The following GCNT2 variants were observed in gnomAD, a reference collection of about 807,000 sequenced individuals.
The protein encoded by GCNT2 is N-acetyllactosaminide beta-1,6-N-acetylglucosaminyl-transferase.
GCNT2 carries 34 observed loss-of-function variants against 34.2 expected under a neutral mutation model. The observed-to-expected ratio is 1.00, with a 90% CI of 0.76 to 1.32. GCNT2 has a LOEUF of 1.32. Among genes scored for constraint, GCNT2 ranks in the 40% most tolerant of loss-of-function variants. GCNT2 has a pLI of 0.00. For missense variants in GCNT2, 584 were observed against 489.4 expected (o/e 1.19, Z -1.82); for synonymous variants, 212 against 188.0 (o/e 1.13, Z -1.04).
intron 3 of GCNT2, among the ~76,000 whole-genome samples, chr6:10,539,378 G>A (rs1327700432): frequency 6.6e-6 from 1 of 151,528 alleles, no homozygotes; most frequent in Admixed American, 6.6e-5. Context: ...TAGTAGAGAC[G>A]GGGTTTCTCC....
At chr6:10,582,550 AAT>A (rs1200638653) in intron 3 of GCNT2, among the ~76,000 whole-genome samples, 2 of 129,848 alleles carry the variant, frequency 1.5e-5, no homozygotes, top group Non-Finnish European at 3.1e-5. Flanking sequence ...TATCATGTAT[AAT>A]ATATATCATA....
intron 3 of GCNT2, among the ~76,000 whole-genome samples, chr6:10,550,710 TG>T (rs1762443585): frequency 6.6e-6 from 1 of 151,968 alleles, no homozygotes; most frequent in Non-Finnish European, 1.5e-5. Context: ...CCCAAACTCC[TG>T]GGCTCAAGTA....
At chr6:10,549,035 G>A (rs922546163) in intron 3 of GCNT2, among the ~76,000 whole-genome samples, 4 of 152,220 alleles carry the variant, frequency 2.6e-5, no homozygotes, top group Admixed American at 6.5e-5. Flanking sequence ...GGGATTGCAG[G>A]AGTGTGCCAC....
At chr6:10,540,476 C>T (rs1035419937) in intron 3 of GCNT2, among the ~76,000 whole-genome samples, 2 of 152,218 alleles carry the variant, frequency 1.3e-5, no homozygotes, top group Admixed American at 6.5e-5. Flanking sequence ...CCACACTTCT[C>T]TTGCAGCACC....
intron 3 of GCNT2, chr6:10,573,414 A>G: frequency 4.4e-6 from 2 of 454,964 alleles, no homozygotes; most frequent in Non-Finnish European, 5.8e-6. Context: ...ACCAGAAGGG[A>G]AAGAAATTTT....
rs184221804 is a variant in GCNT2 at position 10,608,234 on chromosome 6, C to T, written c.926-13117C>T. On this transcript the variant is annotated intron_variant, in intron 3 of 4. Coordinates refer to ENST00000495262, the MANE Select transcript of GCNT2 (RefSeq NM_145649.5). ...CTGGGATTACAGGCATGCGCCACTA[C>T]GCCTGGCTAATTTTGTATTTTTAGT... 2.7e-4 allele frequency among the ~76,000 whole-genome samples: 41 copies of T among 152,134 alleles called. 1 individual carries two copies. Among genetic ancestry groups the T allele is most frequent in the African/African-American group, 8.4e-4 (35 of 41,506 alleles).
At chr6:10,574,991 CTTGT>C in intron 3 of GCNT2, 1 of 705,914 alleles carries the variant, frequency 1.4e-6, no homozygotes. Context: ...TTGCCCTTAA[CTTGT>C]TTGTTTACAA....
At chr6:10,574,332 T>G (rs1352689090) in intron 3 of GCNT2, among the ~76,000 whole-genome samples, 2 of 152,204 alleles carry the variant, frequency 1.3e-5, no homozygotes, top group Admixed American at 6.5e-5. Context: ...ACCAACCTCT[T>G]TAACTCTCAC....
At chr6:10,579,982 G>A (rs1764000985) in intron 3 of GCNT2, among the ~76,000 whole-genome samples, 1 of 152,066 alleles carries the variant, frequency 6.6e-6, no homozygotes, top group African/African-American at 2.4e-5. Flanking sequence ...TGCCAGTTTT[G>A]TTTCCCTGTT....
At chr6:10,596,785 A>C (rs181467979) in intron 3 of GCNT2, among the ~76,000 whole-genome samples, 4 of 151,966 alleles carry the variant, frequency 2.6e-5, no homozygotes, top group Non-Finnish European at 5.9e-5. Context: ...TAGAATTGAC[A>C]CGATGATATT....
intron 3 of GCNT2, among the ~76,000 whole-genome samples, chr6:10,574,593 G>C (rs923529785): frequency 1.3e-5 from 2 of 152,166 alleles, no homozygotes; most frequent in Admixed American, 1.3e-4. Flanking sequence ...ATTTAGGATG[G>C]GGGGAGCATG....
intron 3 of GCNT2, among the ~76,000 whole-genome samples, chr6:10,548,402 C>T (rs776884058): frequency 3.9e-5 from 6 of 152,138 alleles, no homozygotes; most frequent in Non-Finnish European, 7.4e-5. Context: ...GGAACAAAGC[C>T]GTTCACATTC....
Position 10,528,877 on chromosome 6 carries a change from AAG to A in GCNT2, c.-27_-26del, listed in dbSNP as rs544518712. 1.4e-3 allele frequency: 2,136 copies of A among 1,476,404 alleles called. 2 individuals are homozygous for A. Among genetic ancestry groups the A allele is most frequent in the Non-Finnish European group, 1.8e-3 (1,888 of 1,055,330 alleles). The allele number at this position is 1,476,404 out of a possible 1,614,324, so 91.5% of individuals were successfully genotyped here. A position where few individuals can be genotyped will look rare whatever the true frequency, so the allele number is the denominator to read the frequency against. Reference sequence around the variant, plus strand: ...TATATCTACACTCTGATCCTATCTCAAGAGAGAGATATTTTACTCATTTCCTG... The same window carrying A: ...TATATCTACACTCTGATCCTATCTCAAGAGAGATATTTTACTCATTTCCTG... On this transcript the variant is annotated 5_prime_UTR_variant, in exon 3 of 5. Transcript: ENST00000495262.
intron 4 of GCNT2, among the ~76,000 whole-genome samples, chr6:10,622,550 C>T (rs1766079055): frequency 2.0e-5 from 3 of 151,914 alleles, no homozygotes; most frequent in Non-Finnish European, 2.9e-5. Context: ...ACCCTGTCTC[C>T]ACTCTGAGAC....
chr6:10,587,057 A>G (rs565121601), intron 3 of GCNT2: 3 of 683,966 alleles, frequency 4.4e-6, no homozygotes, highest in South Asian at 1.7e-5. Context: ...GCAACAGTGT[A>G]TTGCTGACTG....
At chr6:10,539,711 A>T (rs950994599) in intron 3 of GCNT2, among the ~76,000 whole-genome samples, 2 of 152,188 alleles carry the variant, frequency 1.3e-5, no homozygotes, top group African/African-American at 2.4e-5. Flanking sequence ...GATTCTAAAA[A>T]TTCTATGTGC....
intron 3 of GCNT2, among the ~76,000 whole-genome samples, chr6:10,610,062 C>A (rs1765484319): frequency 6.6e-6 from 1 of 152,206 alleles, no homozygotes; most frequent in Non-Finnish European, 1.5e-5. Context: ...GAGAGACCCA[C>A]TGGCAGGCAA....
intron 3 of GCNT2, among the ~76,000 whole-genome samples, chr6:10,616,706 CAG>C (rs1484823733): frequency 4.6e-5 from 7 of 152,318 alleles, no homozygotes; most frequent in African/African-American, 1.7e-4. Flanking sequence ...GAGCTAGACA[CAG>C]GGTGCTGATT....
chr6:10,537,487 G>A (rs994118316), intron 3 of GCNT2, among the ~76,000 whole-genome samples: 7 of 151,972 alleles, frequency 4.6e-5, no homozygotes, highest in African/African-American at 1.7e-4. Flanking sequence ...GATCACTAGA[G>A]GTCAGAAGTT....
Sources: gnomAD v4.1 joint callset for allele counts (sites outside exome capture counted in the v4.1 genomes callset) on GRCh38, gnomAD v4.1.1 for gene constraint, MANE v1.5 for transcripts, NCBI Gene and HGNC (gene_info 2026-07-23, HGNC 2026-07-21) for gene names.